SMARCA2: variants seen among roughly 807,000 people sequenced by gnomAD.
SMARCA2 encodes the protein SWI/SNF related BAF chromatin remodeling complex subunit ATPase 2.
A neutral mutation model predicts 199.8 loss-of-function variants in SMARCA2; 61 were observed. That is an observed-to-expected ratio of 0.31 (90% CI 0.25 to 0.38). The LOEUF (loss-of-function observed/expected upper bound fraction) is 0.38, where lower values mean the gene tolerates loss of function less well. Ranked by LOEUF, SMARCA2 falls within the 10% of genes least tolerant of loss-of-function variation. SMARCA2 has a pLI of 1.00. For synonymous variants in SMARCA2, 935 were observed against 732.0 expected (o/e 1.28, Z -4.48); for missense variants, 1,344 against 2,012.2 (o/e 0.67, Z 6.35).
intron 10 of SMARCA2, among the ~76,000 whole-genome samples, chr9:2,072,944 T>C (rs1447383595): frequency 6.6e-6 from 1 of 152,242 alleles, no homozygotes; most frequent in East Asian, 1.9e-4. Context: ...CTTGCACTTC[T>C]AGCTCTTAAC....
chr9:2,070,122 C>G (rs1821027193), intron 9 of SMARCA2, among the ~76,000 whole-genome samples: 1 of 152,140 alleles, frequency 6.6e-6, no homozygotes, highest in Non-Finnish European at 1.5e-5. Context: ...AGATTCTGAC[C>G]ACTGTCTTGA....
In SMARCA2 at chr9:2,102,159, G is replaced by GTA. The variant is rs1554626395; in HGVS notation, c.3125+544_3125+545insAT. 1.4e-3 allele frequency among the ~76,000 whole-genome samples: 203 copies of GTA among 148,224 alleles called. 8 individuals carry two copies. Among genetic ancestry groups the GTA allele is most frequent in the Admixed American group, 2.3e-3 (34 of 14,834 alleles). On this transcript the variant is annotated intron_variant, in intron 22 of 33. Transcript: ENST00000349721. Reference sequence around the variant, plus strand: ...TGTGTGTGTGTGTGTGTGTGTGTGTGTGTGTGGTGTGTTGCAAATTTGAAA... The same window carrying GTA: ...TGTGTGTGTGTGTGTGTGTGTGTGTGTATGTGTGGTGTGTTGCAAATTTGAAA...
rs112046624 is a variant in SMARCA2 at position 2,113,187 on chromosome 9, A to G, written c.3457-2635A>G. ...AATAGGGGATTTGACATAGGTTGAC[A>G]GATAGAGGCCTTAATGTTGCTGATT... is the stretch of plus-strand genomic sequence containing the variant. On this transcript the variant is annotated intron_variant, in intron 24 of 33. Coordinates refer to ENST00000349721, the MANE Select transcript of SMARCA2 (RefSeq NM_003070.5). 1.1e-3 allele frequency among the ~76,000 whole-genome samples: 164 copies of G among 152,370 alleles called. 1 individual carries two copies. The highest frequency in any genetic ancestry group is 3.7e-3 in the African/African-American group (155 of 41,588).
chr9:2,032,198 A>G (rs1024136719), intron 2 of SMARCA2, among the ~76,000 whole-genome samples: 13 of 152,236 alleles, frequency 8.5e-5, no homozygotes, highest in South Asian at 2.1e-4. Context: ...TTGCTATTAC[A>G]GTTTGGGGAG....
At chr9:2,145,393 A>G (rs1258090588) in intron 27 of SMARCA2, among the ~76,000 whole-genome samples, 1 of 152,144 alleles carries the variant, frequency 6.6e-6, no homozygotes, top group Non-Finnish European at 1.5e-5. Flanking sequence ...TGGAGGAGAA[A>G]GTAAATAAAA....
At chr9:2,187,032 A>T (rs1827508971) in intron 32 of SMARCA2, among the ~76,000 whole-genome samples, 1 of 152,166 alleles carries the variant, frequency 6.6e-6, no homozygotes, top group Admixed American at 6.5e-5. Context: ...GGAACTGATG[A>T]TGTTGGGCCA....
intron 27 of SMARCA2, among the ~76,000 whole-genome samples, chr9:2,144,245 T>C (rs963075828): frequency 6.6e-6 from 1 of 152,190 alleles, no homozygotes; most frequent in African/African-American, 2.4e-5. Flanking sequence ...TCTTCTTTTC[T>C]GAGATAATGA....
chr9:2,143,964 C>CA (rs890460988), intron 27 of SMARCA2, among the ~76,000 whole-genome samples: 2 of 152,004 alleles, frequency 1.3e-5, no homozygotes, highest in African/African-American at 4.8e-5. Context: ...AAAAGACATA[C>CA]AAAATGTTAA....
At chr9:2,152,961 G>A (rs755803394) in intron 27 of SMARCA2, among the ~76,000 whole-genome samples, 2 of 152,154 alleles carry the variant, frequency 1.3e-5, no homozygotes, top group Admixed American at 6.5e-5. Flanking sequence ...TTCAGCTAGG[G>A]AAATTGGTGA....
intron 9 of SMARCA2, among the ~76,000 whole-genome samples, chr9:2,066,158 C>T (rs1820828604): frequency 6.6e-6 from 1 of 152,156 alleles, no homozygotes; most frequent in Non-Finnish European, 1.5e-5. Flanking sequence ...GATACCAGCA[C>T]ATTTGAATGT....
chr9:2,087,096 C>T (rs774990477), intron 18 of SMARCA2, 25 bp downstream of exon 18: 3 of 1,613,414 alleles, frequency 1.9e-6, no homozygotes, highest in Non-Finnish European at 2.5e-6. Context: ...TCTGTTTTTT[C>T]CACTGCATGA....
Position 2,161,689 on chromosome 9 carries a change from A to G in SMARCA2, c.3985A>G (p.Ile1329Val), listed in dbSNP as rs1253655993. 6.2e-7 allele frequency: 1 copy of G among 1,611,762 alleles called. No individual in the cohort carries two copies. The highest frequency in any genetic ancestry group is 2.2e-5 in the East Asian group (1 of 44,878). The stretch of plus-strand genomic sequence containing the variant: ...CTCCTTTGTTTCCAACGAACAGGCC[A>G]TCGAAGACGGCAATTTGGAGGAAAT... Reference protein sequence around the residue: ...ALTEKQWLRAIEDGNLEEMEE... With the variant: ...ALTEKQWLRAVEDGNLEEMEE... Residue 1329 changes from isoleucine to valine, a missense_variant, in exon 28 of 34, where the codon ATC (isoleucine) becomes GTC (valine). By Grantham distance (29) the Ile-to-Val change is conservative. Transcript: ENST00000349721. This position sits in a 1 kb window ranked among gnomAD's most constrained non-coding sequence, Gnocchi z 4.7.
chr9:2,103,554 A>T (rs1187374016), intron 22 of SMARCA2, among the ~76,000 whole-genome samples: 1 of 152,050 alleles, frequency 6.6e-6, no homozygotes, highest in African/African-American at 2.4e-5. Context: ...TATTTAGATG[A>T]ATCTTAAGTG....
intron 27 of SMARCA2, among the ~76,000 whole-genome samples, chr9:2,131,978 C>G (rs931101000): frequency 1.3e-5 from 2 of 150,244 alleles, no homozygotes; most frequent in Non-Finnish European, 3.0e-5. Context: ...ATTTATAATA[C>G]TAGGTGCTAA....
At chr9:2,129,404 C>T (rs943427034) in intron 27 of SMARCA2, among the ~76,000 whole-genome samples, 2 of 152,086 alleles carry the variant, frequency 1.3e-5, no homozygotes, top group South Asian at 2.1e-4. Context: ...GGCGACACAG[C>T]GAGACTCCAT....
intron 3 of SMARCA2, among the ~76,000 whole-genome samples, chr9:2,034,489 A>C (rs1819230614): frequency 1.3e-5 from 2 of 152,214 alleles, no homozygotes; most frequent in Admixed American, 6.5e-5. Context: ...CAGAGTCATT[A>C]TGTGGTCATT....
chr9:2,168,219 C>G (rs1387941460), intron 28 of SMARCA2, among the ~76,000 whole-genome samples: 1 of 151,976 alleles, frequency 6.6e-6, no homozygotes, highest in Non-Finnish European at 1.5e-5. Flanking sequence ...CCATGTTGGT[C>G]AGGCTGGTCT....
At chr9:2,092,020 G>A (rs1308026179) in intron 19 of SMARCA2, among the ~76,000 whole-genome samples, 2 of 152,066 alleles carry the variant, frequency 1.3e-5, no homozygotes, top group African/African-American at 2.4e-5. Flanking sequence ...CACCAACACC[G>A]CTAAGCTGTT....
intron 18 of SMARCA2, 93 bp downstream of exon 18, chr9:2,087,164 C>A: frequency 6.8e-7 from 1 of 1,475,194 alleles, no homozygotes; most frequent in Non-Finnish European, 9.3e-7. Context: ...AGAACACCCG[C>A]AGGGTGGTTT....
Sources: allele counts gnomAD v4.1 joint callset (sites outside exome capture counted in the v4.1 genomes callset), GRCh38; gene constraint gnomAD v4.1.1; non-coding constraint Gnocchi (gnomAD v3.1); transcripts MANE v1.5; gene names NCBI Gene and HGNC (gene_info 2026-07-23, HGNC 2026-07-21).